Variants in PCSK5 observed in about 807,000 individuals in gnomAD.
The protein encoded by PCSK5 is prohormone convertase 5.
A neutral mutation model predicts 233.2 loss-of-function variants in PCSK5; 129 were observed. The ratio of observed to expected loss-of-function variants is 0.55; its 90% CI spans 0.48 to 0.64. The LOEUF (loss-of-function observed/expected upper bound fraction) is 0.64. Ranked by LOEUF, PCSK5 falls within the 30% of genes least tolerant of loss-of-function variation. The pLI is 0.00. For missense variants in PCSK5, 2,076 were observed against 2,430.1 expected (o/e 0.85, Z 3.06); for synonymous variants, 825 against 879.2 (o/e 0.94, Z 1.09).
At chr9:75,990,043 A>G (rs112938681) in intron 3 of PCSK5, among the ~76,000 whole-genome samples, 7 of 152,276 alleles carry the variant, frequency 4.6e-5, no homozygotes, top group African/African-American at 1.7e-4. Flanking sequence ...ATTGCAATAC[A>G]TAGTAGTTCC....
In PCSK5 at chr9:76,273,564, A is replaced by AATATATATATATATATAT. The variant is rs1336491411; in HGVS notation, c.3143-18658_3143-18657insTATATATATATATATATA. Among the ~76,000 whole-genome samples the AATATATATATATATATAT allele has an allele frequency of 2.4e-3, 181 of 74,778 alleles. 4 individuals are homozygous for AATATATATATATATATAT. The highest frequency in any genetic ancestry group is 0.012 in the East Asian group (30 of 2,570). The allele number at this position is 74,778 out of a possible 152,430, so 49.1% of individuals were successfully genotyped here. ...TCTTCTTATAGATTAACAAAATAGT[A>AATATATATATATATATAT]ATATATATATACATATATATATATA... On this transcript the variant is annotated intron_variant, in intron 24 of 37. Coordinates refer to ENST00000674117, the MANE Select transcript of PCSK5 (RefSeq NM_001372043.1).
At chr9:76,089,680 A>G (rs1831206421) in intron 7 of PCSK5, among the ~76,000 whole-genome samples, 1 of 152,204 alleles carries the variant, frequency 6.6e-6, no homozygotes, top group Admixed American at 6.5e-5. Flanking sequence ...ACTAAGCAAT[A>G]CAGGAGAAGA....
chr9:75,998,991 ATTTG>A (rs1425482396), intron 3 of PCSK5, among the ~76,000 whole-genome samples: 4 of 152,260 alleles, frequency 2.6e-5, no homozygotes. Flanking sequence ...TTTCTTTGTC[ATTTG>A]TTTGAGTCAG....
chr9:76,151,499 C>T (rs1380992181), intron 10 of PCSK5, among the ~76,000 whole-genome samples: 1 of 152,168 alleles, frequency 6.6e-6, no homozygotes, highest in Non-Finnish European at 1.5e-5. Context: ...ACCATTCACC[C>T]GACTGCAGGA....
At chr9:76,025,476 A>G (rs1828383215) in intron 4 of PCSK5, among the ~76,000 whole-genome samples, 1 of 152,144 alleles carries the variant, frequency 6.6e-6, no homozygotes, top group Non-Finnish European at 1.5e-5. Flanking sequence ...TATACTCCAG[A>G]GAAGGGTTCT....
At chr9:75,941,529 G>T (rs1409095228) in intron 2 of PCSK5, among the ~76,000 whole-genome samples, 1 of 152,120 alleles carries the variant, frequency 6.6e-6, no homozygotes, top group Non-Finnish European at 1.5e-5. Context: ...AGAGGCTGCA[G>T]ATGTGCTGAT....
chr9:75,972,520 G>C (rs150082303), intron 2 of PCSK5, among the ~76,000 whole-genome samples: 428 of 152,302 alleles, frequency 2.8e-3, no homozygotes, highest in African/African-American at 0.01. Context: ...AGCATGGAAT[G>C]TTTTTCCATT....
At chr9:76,295,200 A>T in intron 25 of PCSK5, 75 bp from the exon 26 acceptor site, 2 of 1,327,020 alleles carry the variant, frequency 1.5e-6, no homozygotes, top group Non-Finnish European at 2.1e-6. Flanking sequence ...ATAGACATAC[A>T]TAAGGAGATT....
At chr9:75,926,978 A>G (rs1356713508) in intron 1 of PCSK5, among the ~76,000 whole-genome samples, 1 of 152,174 alleles carries the variant, frequency 6.6e-6, no homozygotes, top group African/African-American at 2.4e-5. Context: ...TCTTTTGGGT[A>G]AATACCTAGA....
At position 76,150,829 on chromosome 9, in the gene PCSK5, G is replaced by A. The variant is rs546624104; in HGVS notation, c.1313-6216G>A. Among the ~76,000 whole-genome samples the A allele has an allele frequency of 1.2e-4, 18 of 152,216 alleles. No homozygotes were observed. In the East Asian group the frequency reaches 2.3e-3, roughly 20 times the overall value. Reference sequence around the variant, plus strand: ...TAAGAGTACGCGAAGAAGAGGTAGCGGAGGAAGGGAATAAGACAGAGGAAG... The same window carrying A: ...TAAGAGTACGCGAAGAAGAGGTAGCAGAGGAAGGGAATAAGACAGAGGAAG... On this transcript the variant is annotated intron_variant, in intron 10 of 37. Coordinates refer to ENST00000674117, the MANE Select transcript of PCSK5 (RefSeq NM_001372043.1).
intron 7 of PCSK5, among the ~76,000 whole-genome samples, chr9:76,077,507 G>A (rs2131613483): frequency 6.6e-6 from 1 of 152,182 alleles, no homozygotes; most frequent in East Asian, 1.9e-4. Flanking sequence ...GCTCACCCAG[G>A]TAGTGAGTAT....
At position 76,351,518 on chromosome 9, in the gene PCSK5, A is replaced by AAGAAAGAAAG. The variant is rs1830149674; in HGVS notation, c.5067+592_5067+601dup. Reference sequence around the variant, plus strand: ...AAAGAAAGAAAGAAAGAAAGAAAGAAAGAAAGAAAGAAAGGAAGGAAAGAA... The same window carrying AAGAAAGAAAG: ...AAAGAAAGAAAGAAAGAAAGAAAGAAAGAAAGAAAGAGAAAGAAAGAAAGGAAGGAAAGAA... On this transcript the variant is annotated intron_variant, in intron 36 of 37. Coordinates refer to ENST00000674117, the MANE Select transcript of PCSK5 (RefSeq NM_001372043.1). 2.0e-4 allele frequency among the ~76,000 whole-genome samples: 25 copies of AAGAAAGAAAG among 123,662 alleles called. 6 individuals carry two copies. Among genetic ancestry groups the AAGAAAGAAAG allele is most frequent in the Non-Finnish European group, 4.0e-4 (22 of 55,620 alleles). 81.1% of individuals were successfully genotyped at this position (123,662 alleles called of 152,430 possible). A position where few individuals can be genotyped will look rare whatever the true frequency, so the allele number is the denominator to read the frequency against.
chr9:75,944,633 C>A (rs7854620), intron 2 of PCSK5, among the ~76,000 whole-genome samples: 46,064 of 151,816 alleles, frequency 0.3, 7,248 homozygotes, highest in East Asian at 0.48. Flanking sequence ...CACATTTTCT[C>A]CCACATGTGT....
At chr9:75,913,016 AC>A (rs764643208) in intron 1 of PCSK5, among the ~76,000 whole-genome samples, 11 of 152,066 alleles carry the variant, frequency 7.2e-5, no homozygotes, top group African/African-American at 2.7e-4. Flanking sequence ...CAGCTCCCTG[AC>A]TCAGGTGGCT....
At chr9:75,937,489 C>G (rs577528051) in intron 2 of PCSK5, among the ~76,000 whole-genome samples, 1 of 152,210 alleles carries the variant, frequency 6.6e-6, no homozygotes, top group African/African-American at 2.4e-5. Context: ...CTCCATTTAG[C>G]ATCATTCTTA....
At chr9:76,164,070 C>G (rs1430529821) in intron 12 of PCSK5, among the ~76,000 whole-genome samples, 2 of 151,978 alleles carry the variant, frequency 1.3e-5, no homozygotes, top group African/African-American at 4.8e-5. Context: ...CCTATGGAGT[C>G]CTATAATTAA....
chr9:76,297,399 T>G (rs1432382082), intron 27 of PCSK5, among the ~76,000 whole-genome samples: 1 of 152,122 alleles, frequency 6.6e-6, no homozygotes, highest in Non-Finnish European at 1.5e-5. Context: ...AAGCTTGCCT[T>G]TAAAAGTTGC....
intron 8 of PCSK5, among the ~76,000 whole-genome samples, chr9:76,096,936 T>G (rs945648649): frequency 6.6e-6 from 1 of 150,928 alleles, no homozygotes; most frequent in African/African-American, 2.5e-5. Flanking sequence ...TTTTTATTTT[T>G]TATTTTTTTT....
At chr9:76,311,007 C>T (rs1256575857) in intron 30 of PCSK5, among the ~76,000 whole-genome samples, 156 bp downstream of exon 30, 1 of 152,196 alleles carries the variant, frequency 6.6e-6, no homozygotes, top group African/African-American at 2.4e-5. Flanking sequence ...GCCACAGCAG[C>T]CAAAACTTAC....
Sources: allele counts gnomAD v4.1 joint callset (sites outside exome capture counted in the v4.1 genomes callset), GRCh38; gene constraint gnomAD v4.1.1; transcripts MANE v1.5; gene names NCBI Gene and HGNC (gene_info 2026-07-23, HGNC 2026-07-21).